Variants in TNFRSF1B observed in about 807,000 individuals in gnomAD.
TNFRSF1B encodes the protein TNF receptor superfamily member 1B.
TNFRSF1B carries 19 observed loss-of-function variants against 44.6 expected under a neutral mutation model. The ratio of observed to expected loss-of-function variants is 0.43; its 90% CI spans 0.30 to 0.62. TNFRSF1B has a LOEUF of 0.62. Among genes scored for constraint, TNFRSF1B ranks in the 20% least tolerant of loss-of-function variants. The probability of loss-of-function intolerance (pLI) is 0.16; values close to 1 mark genes in which losing one functional copy is unlikely to be tolerated. For missense variants in TNFRSF1B, 541 were observed against 619.9 expected (o/e 0.87, Z 1.35); for synonymous variants, 252 against 261.1 (o/e 0.97, Z 0.34).
Position 12,177,486 on chromosome 1 carries a change from G to T in TNFRSF1B, c.78+10317G>T, listed in dbSNP as rs946782279. Among the ~76,000 whole-genome samples, 2 of 152,168 alleles carry T rather than the reference G, an allele frequency of 1.3e-5. No individual in the cohort carries two copies. Among genetic ancestry groups the T allele is most frequent in the African/African-American group, 4.8e-5 (2 of 41,432 alleles). ...AAATTGGCTGCACCCCCACTAGTGT[G>T]GGGGAGCAGGATTCCAGGGCCTGCC... On this transcript the variant is annotated intron_variant, in intron 1 of 9. Coordinates refer to ENST00000376259, the MANE Select transcript of TNFRSF1B (RefSeq NM_001066.3). This position sits in a 1 kb window ranked among gnomAD's most constrained non-coding sequence, Gnocchi z 4.3.
intron 5 of TNFRSF1B, 35 bp downstream of exon 5, chr1:12,192,559 G>C: frequency 1.9e-6 from 3 of 1,598,024 alleles, no homozygotes; most frequent in Non-Finnish European, 2.6e-6. Context: ...TGGAGGAGCA[G>C]GGAGGGGCTG....
At chr1:12,204,142 T>C (rs1052995856) in intron 9 of TNFRSF1B, among the ~76,000 whole-genome samples, 3 of 152,092 alleles carry the variant, frequency 2.0e-5, no homozygotes, top group Non-Finnish European at 4.4e-5. Context: ...TCTGTGCTCC[T>C]TCTCCCGAGT....
chr1:12,194,100 T>C, intron 7 of TNFRSF1B, 68 bp downstream of exon 7: 1 of 1,299,824 alleles, frequency 7.7e-7, no homozygotes, highest in Non-Finnish European at 1.1e-6. Flanking sequence ...CTCCTGTGAG[T>C]CCAGCACTGG....
At chr1:12,198,884 G>T (rs17880043) in intron 8 of TNFRSF1B, among the ~76,000 whole-genome samples, 16,843 of 151,964 alleles carry the variant, frequency 0.11, 1,145 homozygotes, top group South Asian at 0.19. Flanking sequence ...TAGAGACGGG[G>T]TTTCACCTTG....
intron 1 of TNFRSF1B, among the ~76,000 whole-genome samples, chr1:12,185,824 G>T (rs750528768): frequency 5.3e-5 from 8 of 152,194 alleles, no homozygotes; most frequent in Admixed American, 3.3e-4. Context: ...AGGCTGTGGG[G>T]CAACAGCAAA....
At position 12,178,446 on chromosome 1, in the gene TNFRSF1B, G is replaced by A. The variant is rs867794738; in HGVS notation, c.79-10350G>A. On this transcript the variant is annotated intron_variant, in intron 1 of 9. Transcript: ENST00000376259. The surrounding 1 kb of genome is among the most constrained non-coding windows in gnomAD (Gnocchi z 4.3). ...GATGATAAAGTGGAGGTGGGGGAAT[G>A]GCAGAACTGGGATCAAAGCCCACGT... Among the ~76,000 whole-genome samples the A allele has an allele frequency of 1.4e-4, 22 of 152,220 alleles. No homozygotes were observed. Among genetic ancestry groups the A allele is most frequent in the African/African-American group, 5.3e-4 (22 of 41,452 alleles).
rs187617811 is a variant in TNFRSF1B at position 12,175,093 on chromosome 1, A to G, written c.78+7924A>G. On this transcript the variant is annotated intron_variant, in intron 1 of 9. Coordinates refer to ENST00000376259, the MANE Select transcript of TNFRSF1B (RefSeq NM_001066.3). Reference sequence around the variant, plus strand: ...GCAGAGCGGGAGGGGATTTGGAGGCAGGCGGGCTGTGGACAGGGAGGGGGG... The same window carrying G: ...GCAGAGCGGGAGGGGATTTGGAGGCGGGCGGGCTGTGGACAGGGAGGGGGG... Among the ~76,000 whole-genome samples the G allele has an allele frequency of 2.1e-4, 32 of 152,302 alleles. No homozygotes were observed. In the East Asian group the frequency reaches 5.2e-3, roughly 25 times the overall value.
intron 1 of TNFRSF1B, among the ~76,000 whole-genome samples, chr1:12,170,047 G>A (rs780016928): frequency 5.9e-4 from 90 of 152,320 alleles, no homozygotes; most frequent in African/African-American, 2.0e-3. Flanking sequence ...CTTCCACCAC[G>A]TCTCTGTCTC....
At chr1:12,193,934 G>C in intron 6 of TNFRSF1B, 21 bp from the exon 7 acceptor site, 1 of 1,607,936 alleles carries the variant, frequency 6.2e-7, no homozygotes. Context: ...GTAGCTGTCT[G>C]AGCTTCTCTT....
intron 9 of TNFRSF1B, among the ~76,000 whole-genome samples, chr1:12,205,957 C>G (rs1639493882): frequency 6.6e-6 from 1 of 151,990 alleles, no homozygotes; most frequent in African/African-American, 2.4e-5. Context: ...GGAGACAAGG[C>G]AGGAATGATG....
chr1:12,173,746 C>T (rs1638571562), intron 1 of TNFRSF1B, among the ~76,000 whole-genome samples: 1 of 152,220 alleles, frequency 6.6e-6, no homozygotes. Context: ...CTGCCCCCTT[C>T]CAGGCCTAGG....
chr1:12,202,735 A>G (rs5746059), intron 9 of TNFRSF1B, among the ~76,000 whole-genome samples: 25,648 of 152,198 alleles, frequency 0.17, 2,612 homozygotes, highest in Middle Eastern at 0.24. Context: ...TGTCAATGCT[A>G]AGAGATAGTT....
At chr1:12,185,037 A>G (rs1028096897) in intron 1 of TNFRSF1B, among the ~76,000 whole-genome samples, 4 of 152,186 alleles carry the variant, frequency 2.6e-5, no homozygotes, top group Non-Finnish European at 1.5e-5. Context: ...AGCGCCCAGC[A>G]GCAGCCTTCA....
In TNFRSF1B at chr1:12,194,516, G is replaced by T. The variant is rs189591856; in HGVS notation, c.866-68G>T. On this transcript the variant is annotated intron_variant, in intron 7 of 9. Coordinates refer to ENST00000376259, the MANE Select transcript of TNFRSF1B (RefSeq NM_001066.3). ...TGCTGGTTCTATGGGGCCCCATACT[G>T]CCCTCCTACTTAGGACAGATGTGCC... 3.8e-6 allele frequency: 6 copies of T among 1,598,208 alleles called. No individual in the cohort carries two copies. In the African/African-American group the frequency reaches 6.7e-5, roughly 18 times the overall value.
At chr1:12,188,999 A>C (rs1639050983) in intron 2 of TNFRSF1B, 104 bp downstream of exon 2, 3 of 985,054 alleles carry the variant, frequency 3.0e-6, no homozygotes, top group East Asian at 5.3e-5. Context: ...CTGAACTCCT[A>C]GTTCTATGCA....
intron 9 of TNFRSF1B, among the ~76,000 whole-genome samples, chr1:12,204,188 T>C (rs1639451165): frequency 6.6e-6 from 1 of 152,030 alleles, no homozygotes; most frequent in Non-Finnish European, 1.5e-5. Flanking sequence ...GTCTTCTCTT[T>C]CTCTCCCTCC....
At position 12,192,992 on chromosome 1, in the gene TNFRSF1B, G is replaced by C; in HGVS notation, c.681G>C (p.Thr227=). The C allele has an allele frequency of 6.2e-7, 1 of 1,614,160 alleles. No homozygotes were observed. Among genetic ancestry groups the C allele is most frequent in the Non-Finnish European group, 8.5e-7 (1 of 1,180,022 alleles). ...CAGTGTCCACACGATCCCAACACAC[G>C]CAGCCAACTCCAGAACCCAGCACTG... ...PQPVSTRSQH[T]QPTPEPSTAP... Residue 227 remains threonine (T), a synonymous_variant, in exon 6 of 10, where the codon ACG becomes ACC. Transcript: ENST00000376259.
At chr1:12,170,990 C>T (rs947158826) in intron 1 of TNFRSF1B, among the ~76,000 whole-genome samples, 2 of 150,652 alleles carry the variant, frequency 1.3e-5, no homozygotes, top group African/African-American at 4.9e-5. Flanking sequence ...CTCACTTCTT[C>T]TTCTTTTTTT....
Position 12,202,075 on chromosome 1 carries a change from G to A in TNFRSF1B, c.1009G>A (p.Ala337Thr). ...CAGCTCCCTGGAGAGCTCGGCCAGT[G>A]CGTTGGACAGAAGGGCGCCCACTCG... ...SSSSLESSAS[A>T]LDRRAPTRNQ... Residue 337 changes from alanine to threonine, a missense_variant, in exon 9 of 10, where the codon GCG (alanine) becomes ACG (threonine). Ala to Thr is a moderately conservative substitution (Grantham distance 58). Transcript: ENST00000376259. The A allele has an allele frequency of 6.3e-7, 1 of 1,596,590 alleles. No individual in the cohort carries two copies. The highest frequency in any genetic ancestry group is 8.5e-7 in the Non-Finnish European group (1 of 1,172,376).
Sources: allele counts gnomAD v4.1 joint callset (sites outside exome capture counted in the v4.1 genomes callset), GRCh38; gene constraint gnomAD v4.1.1; non-coding constraint Gnocchi (gnomAD v3.1); transcripts MANE v1.5; gene names NCBI Gene and HGNC (gene_info 2026-07-23, HGNC 2026-07-21).